The following GML variants were observed in gnomAD, a reference collection of about 807,000 sequenced individuals.
The protein encoded by GML is glycosyl-phosphatidylinositol-anchored molecule-like protein.
A neutral mutation model predicts 8.2 loss-of-function variants in GML; 5 were observed. That is an observed-to-expected ratio of 0.61 (90% CI 0.32 to 1.28). GML has a LOEUF of 1.28. Ranked by LOEUF, GML falls within the 50% of genes most tolerant of loss-of-function variation. GML has a pLI of 0.06. For missense variants in GML, 191 were observed against 198.3 expected, an observed-to-expected ratio of 0.96 and a Z score of 0.22; for synonymous variants, 72 against 69.0, an observed-to-expected ratio of 1.04 and a Z score of -0.22.
chr8:142,836,666 G>C (rs1038432129), intron 1 of GML, among the ~76,000 whole-genome samples: 1 of 152,210 alleles, frequency 6.6e-6, no homozygotes, highest in African/African-American at 2.4e-5. Context: ...GGAGGTGGTT[G>C]TATGTTACTA....
rs1209313875 is a variant in GML, at chr8:142,841,222, A to G, written c.178A>G (p.Ile60Val). 5 of 1,375,516 alleles carry G rather than the reference A, an allele frequency of 3.6e-6. No individual in the cohort carries two copies. Among genetic ancestry groups the G allele is most frequent in the Non-Finnish European group, 5.2e-6 (5 of 963,642 alleles). The allele number at this position is 1,375,516 out of a possible 1,614,324, so 85.2% of individuals were successfully genotyped here. A position where few individuals can be genotyped will look rare whatever the true frequency, so the allele number is the denominator to read the frequency against. Reference sequence around the variant, plus strand: ...TATTAGGCGCTGTATGACAATCTCCATTCGTAAGTACCTCTTTGTCATTTT... The same window carrying G: ...TATTAGGCGCTGTATGACAATCTCCGTTCGTAAGTACCTCTTTGTCATTTT... The part of the protein sequence containing the change: ...YHIRRCMTIS[I>V]RINSRELLVY... The change falls in exon 3 of 4, where the codon ATT becomes GTT. Residue 60 changes from isoleucine (I) to valine (V), a missense_variant. Coordinates refer to ENST00000220940, the MANE Select transcript of GML (RefSeq NM_002066.3).
intron 1 of GML, among the ~76,000 whole-genome samples, chr8:142,836,689 G>A (rs1197571838): frequency 6.6e-6 from 1 of 152,184 alleles, no homozygotes; most frequent in Non-Finnish European, 1.5e-5. Flanking sequence ...GGGGATGTGT[G>A]CCCTCTCCTC....
At position 142,846,754 on chromosome 8, in the gene GML, A is replaced by G; in HGVS notation, c.*64A>G. On this transcript the variant is annotated 3_prime_UTR_variant, in exon 4 of 4. Transcript: ENST00000220940. ...CCGCAGAGAAATGTTGCTCTCCATT[A>G]TTCCCTTCTAAGCCAGAGACCCTTA... 5 of 1,246,240 alleles carry G rather than the reference A, an allele frequency of 4.0e-6. No homozygotes were observed. The highest frequency in any genetic ancestry group is 5.8e-6 in the Non-Finnish European group (5 of 868,276). The allele number at this position is 1,246,240 out of a possible 1,614,324, so 77.2% of individuals were successfully genotyped here.
chr8:142,842,440 G>T (rs1816446326), intron 3 of GML, among the ~76,000 whole-genome samples: 1 of 152,160 alleles, frequency 6.6e-6, no homozygotes, highest in South Asian at 2.1e-4. Context: ...GACCTTGATG[G>T]CATGGTTTTG....
intron 3 of GML, among the ~76,000 whole-genome samples, chr8:142,845,765 C>T (rs1256565314): frequency 2.0e-5 from 3 of 152,116 alleles, no homozygotes; most frequent in Admixed American, 6.6e-5. Flanking sequence ...TAGTTGCGAT[C>T]GATAACCTTC....
intron 1 of GML, among the ~76,000 whole-genome samples, chr8:142,838,203 A>G (rs1238580308): frequency 6.6e-6 from 1 of 151,816 alleles, no homozygotes; most frequent in South Asian, 2.1e-4. Flanking sequence ...AACCTACTGC[A>G]TCCCATGTAG....
intron 3 of GML, among the ~76,000 whole-genome samples, chr8:142,843,437 C>T (rs1816465151): frequency 6.6e-6 from 1 of 152,116 alleles, no homozygotes; most frequent in African/African-American, 2.4e-5. Context: ...TGATAAAATC[C>T]AACACCCTTT....
chr8:142,835,326 C>A (rs1410768587), intron 1 of GML, among the ~76,000 whole-genome samples: 2 of 152,064 alleles, frequency 1.3e-5, no homozygotes, highest in African/African-American at 4.8e-5. Context: ...GAGTCTGGGG[C>A]TGGGGCTCCG....
intron 3 of GML, 24 bp downstream of exon 3, chr8:142,841,249 A>G (rs1816430405): frequency 8.6e-7 from 1 of 1,166,792 alleles, no homozygotes; most frequent in African/African-American, 1.5e-5. Flanking sequence ...TGTCATTTTG[A>G]CACATTGTAG....
At chr8:142,841,030 G>A (rs1345299899) in intron 2 of GML, 88 bp from the exon 3 acceptor site, 2 of 747,962 alleles carry the variant, frequency 2.7e-6, no homozygotes, top group Non-Finnish European at 2.5e-6. Context: ...GGGAAGGGCT[G>A]GCCGTTGAAG....
chr8:142,845,925 T>G, intron 3 of GML, among the ~76,000 whole-genome samples: 1 of 152,142 alleles, frequency 6.6e-6, no homozygotes, highest in South Asian at 2.1e-4. Flanking sequence ...AGGAAGGAGT[T>G]TACCCTAGAA....
At chr8:142,843,255 T>TACGCACACAC (rs1554650504) in intron 3 of GML, among the ~76,000 whole-genome samples, 2 of 140,000 alleles carry the variant, frequency 1.4e-5, no homozygotes, top group African/African-American at 5.4e-5. Context: ...AAAAGGTTCA[T>TACGCACACAC]ACACACACAC....
chr8:142,846,249 C>T, intron 3 of GML, 146 bp from the exon 4 acceptor site: 1 of 612,094 alleles, frequency 1.6e-6, no homozygotes. Context: ...CTCTCTTAGT[C>T]AAGTGTTCTA....
intron 1 of GML, among the ~76,000 whole-genome samples, chr8:142,839,059 C>T (rs981799696): frequency 6.6e-6 from 1 of 152,206 alleles, no homozygotes; most frequent in Non-Finnish European, 1.5e-5. Context: ...AGTGTACATG[C>T]TCTGGGTCAG....
chr8:142,843,455 T>C (rs956625886), intron 3 of GML, among the ~76,000 whole-genome samples: 5 of 152,154 alleles, frequency 3.3e-5, no homozygotes, highest in African/African-American at 4.8e-5. Context: ...TTTCCAAATC[T>C]CTGAGGGAAA....
chr8:142,835,623 A>G (rs1044068680), intron 1 of GML, among the ~76,000 whole-genome samples: 5 of 152,028 alleles, frequency 3.3e-5, no homozygotes, highest in African/African-American at 1.2e-4. Flanking sequence ...CTTGACTTCT[A>G]TTGAGAAGGA....
At chr8:142,837,896 G>A (rs935795950) in intron 1 of GML, among the ~76,000 whole-genome samples, 10 of 148,368 alleles carry the variant, frequency 6.7e-5, no homozygotes, top group Non-Finnish European at 1.3e-4. Context: ...TGGGAAAACT[G>A]TCTTGATCTT....
intron 3 of GML, among the ~76,000 whole-genome samples, chr8:142,845,454 G>T (rs1816492000): frequency 6.6e-6 from 1 of 152,158 alleles, no homozygotes; most frequent in African/African-American, 2.4e-5. Flanking sequence ...TTTTTAAATG[G>T]AAAATAACAG....
At chr8:142,838,012 G>A (rs1816367378) in intron 1 of GML, among the ~76,000 whole-genome samples, 1 of 147,606 alleles carries the variant, frequency 6.8e-6, no homozygotes, top group Non-Finnish European at 1.5e-5. Flanking sequence ...CTGGCTTTCA[G>A]CTGGTGCCCA....
Sources: gnomAD v4.1 joint callset for allele counts (sites outside exome capture counted in the v4.1 genomes callset) on GRCh38, gnomAD v4.1.1 for gene constraint, MANE v1.5 for transcripts, NCBI Gene and HGNC (gene_info 2026-07-23, HGNC 2026-07-21) for gene names.